Variants in HERC4 observed in about 807,000 individuals in gnomAD.
HERC4 encodes HECT and RLD domain containing E3 ubiquitin protein ligase 4, also known as probable E3 ubiquitin-protein ligase HERC4.
In HERC4, 28 loss-of-function variants were observed where a neutral mutation model predicts 124.3. That is an observed-to-expected ratio of 0.23 (90% CI 0.17 to 0.31). The LOEUF is 0.31. Among genes scored for constraint, HERC4 ranks in the 10% least tolerant of loss-of-function variants. The probability of loss-of-function intolerance (pLI) is 1.00; values close to 1 mark genes in which losing one functional copy is unlikely to be tolerated. For synonymous variants in HERC4, 407 were observed against 421.5 expected, an observed-to-expected ratio of 0.97 and a Z score of 0.42; for missense variants, 713 against 1,229.3, an observed-to-expected ratio of 0.58 and a Z score of 6.28.
At chr10:67,964,286 C>T (rs545107533) in intron 16 of HERC4, among the ~76,000 whole-genome samples, 60 of 152,112 alleles carry the variant, frequency 3.9e-4, no homozygotes, top group Non-Finnish European at 8.1e-4. Flanking sequence ...TCCTCTGCAG[C>T]ATTCAACAGT....
chr10:68,025,474 A>C, intron 8 of HERC4, 72 bp downstream of exon 8: 1 of 1,478,368 alleles, frequency 6.8e-7, no homozygotes, highest in Non-Finnish European at 9.1e-7. Context: ...AGGATCTCTG[A>C]AACAATTCAA....
intron 9 of HERC4, among the ~76,000 whole-genome samples, chr10:67,999,468 G>A (rs2037097899): frequency 6.6e-6 from 1 of 152,142 alleles, no homozygotes; most frequent in Non-Finnish European, 1.5e-5. Context: ...CCTATTAAAA[G>A]GATTCCAACA....
intron 19 of HERC4, among the ~76,000 whole-genome samples, chr10:67,948,759 A>G (rs965440131): frequency 6.6e-6 from 1 of 151,894 alleles, no homozygotes. Context: ...TGTCTTTACT[A>G]AAAATACAAA....
intron 16 of HERC4, among the ~76,000 whole-genome samples, chr10:67,961,710 G>C (rs907929918): frequency 1.3e-5 from 2 of 152,074 alleles, no homozygotes; most frequent in African/African-American, 2.4e-5. Context: ...GAGTTCCCAC[G>C]TGTCACCAGC....
chr10:67,925,305 T>A, intron 23 of HERC4, 118 bp from the exon 24 acceptor site: 1 of 531,132 alleles, frequency 1.9e-6, no homozygotes, highest in Non-Finnish European at 3.4e-6. Flanking sequence ...TTGCCCACTG[T>A]TTTCTGGACA....
At chr10:67,988,074 G>A (rs185495764) in intron 15 of HERC4, 5 of 152,236 alleles carry the variant, frequency 3.3e-5, no homozygotes, top group African/African-American at 9.6e-5. Flanking sequence ...CATCTTTAAT[G>A]AAACAGCTCA....
At chr10:67,984,050 C>A (rs191330632) in intron 15 of HERC4, among the ~76,000 whole-genome samples, 1 of 151,942 alleles carries the variant, frequency 6.6e-6, no homozygotes, top group Non-Finnish European at 1.5e-5. Flanking sequence ...GCCCGTAATC[C>A]CAACAGTTTG....
chr10:68,031,157 GAGA>G (rs747248358), intron 7 of HERC4, among the ~76,000 whole-genome samples: 2 of 152,082 alleles, frequency 1.3e-5, no homozygotes, highest in Non-Finnish European at 2.9e-5. Flanking sequence ...TATCTTCTGA[GAGA>G]AGAATACAAA....
At chr10:68,007,786 C>G (rs993379553) in intron 9 of HERC4, 1 of 151,952 alleles carries the variant, frequency 6.6e-6, no homozygotes, top group Non-Finnish European at 1.5e-5. Context: ...GATCCCACTA[C>G]TGATCAGCAC....
At chr10:67,992,095 C>T (rs1393831650) in intron 11 of HERC4, 104 bp downstream of exon 11, 4 of 1,036,990 alleles carry the variant, frequency 3.9e-6, no homozygotes, top group African/African-American at 1.6e-5. Flanking sequence ...CAGGGTTTTG[C>T]CATGTTGCCC....
chr10:68,039,267 G>T, intron 4 of HERC4: 3 of 1,031,044 alleles, frequency 2.9e-6, no homozygotes, highest in Non-Finnish European at 3.9e-6. Flanking sequence ...AGTGAGCCAA[G>T]ATCACACCAT....
At chr10:67,976,570 C>CA (rs199849445) in intron 15 of HERC4, among the ~76,000 whole-genome samples, 2,330 of 151,880 alleles carry the variant, frequency 0.015, 27 homozygotes, top group Non-Finnish European at 0.025. Context: ...ACTATCTACA[C>CA]AAAAAAAGCA....
intron 5 of HERC4, among the ~76,000 whole-genome samples, chr10:68,035,014 A>G (rs1405920671): frequency 1.3e-5 from 2 of 152,076 alleles, no homozygotes; most frequent in Non-Finnish European, 2.9e-5. Flanking sequence ...ACATCCTTTT[A>G]TTAAACTAAC....
intron 16 of HERC4, chr10:67,960,785 TACC>T: frequency 4.1e-6 from 1 of 243,340 alleles, no homozygotes; most frequent in Non-Finnish European, 7.9e-6. Flanking sequence ...CTAGAACTAC[TACC>T]TTCACCATGA....
At chr10:68,054,662 T>C (rs2040468658) in intron 3 of HERC4, among the ~76,000 whole-genome samples, 1 of 152,132 alleles carries the variant, frequency 6.6e-6, no homozygotes, top group Non-Finnish European at 1.5e-5. Flanking sequence ...ATTCTGACTT[T>C]TTAAAGATAA....
chr10:68,069,453 C>T, intron 3 of HERC4: 4 of 985,064 alleles, frequency 4.1e-6, no homozygotes, highest in Non-Finnish European at 4.8e-6. Flanking sequence ...ACATAATCTG[C>T]ACCTTTAGTA....
intron 9 of HERC4, among the ~76,000 whole-genome samples, chr10:67,999,034 A>C (rs1222152994): frequency 6.6e-6 from 1 of 152,182 alleles, no homozygotes; most frequent in Non-Finnish European, 1.5e-5. Context: ...CCTGGCTCCC[A>C]TGGAGTTTTA....
intron 9 of HERC4, among the ~76,000 whole-genome samples, chr10:67,999,051 TA>T (rs2037072778): frequency 6.6e-6 from 1 of 152,102 alleles, no homozygotes; most frequent in South Asian, 2.1e-4. Flanking sequence ...TTTATAAAAA[TA>T]AAATAAAAAA....
chr10:67,960,341 A>T (rs2034427754), intron 16 of HERC4, among the ~76,000 whole-genome samples: 1 of 152,000 alleles, frequency 6.6e-6, no homozygotes, highest in South Asian at 2.1e-4. Flanking sequence ...CCCTTGGCTG[A>T]TTTTTGTTCT....
Sources: allele counts gnomAD v4.1 joint callset (sites outside exome capture counted in the v4.1 genomes callset), GRCh38; gene constraint gnomAD v4.1.1; transcripts MANE v1.5; gene names NCBI Gene and HGNC (gene_info 2026-07-23, HGNC 2026-07-21).